Variants in KCNJ6 observed in about 807,000 individuals in gnomAD.
KCNJ6 encodes the protein G protein-activated inward rectifier potassium channel 2.
In KCNJ6, 9 loss-of-function variants were observed where a neutral mutation model predicts 34.2. The observed-to-expected ratio is 0.26, with a 90% confidence interval of 0.16 to 0.46. The LOEUF (loss-of-function observed/expected upper bound fraction) is 0.46. Ranked by LOEUF, KCNJ6 falls within the 20% of genes least tolerant of loss-of-function variation. The pLI is 1.00. For synonymous variants in KCNJ6, 196 were observed against 207.1 expected (o/e 0.95, Z 0.46); for missense variants, 236 against 531.3 (o/e 0.44, Z 5.46).
chr21:37,724,022 A>C (rs2054840936), intron 2 of KCNJ6, among the ~76,000 whole-genome samples: 1 of 152,154 alleles, frequency 6.6e-6, no homozygotes, highest in Non-Finnish European at 1.5e-5. Flanking sequence ...CAGATTCTGC[A>C]CTGCTGGTAT....
Position 37,701,001 on chromosome 21 carries a change from C to T in KCNJ6, c.946+13210G>A, listed in dbSNP as rs528305313. 2.0e-5 allele frequency among the ~76,000 whole-genome samples: 3 copies of T among 152,232 alleles called. No individual in the cohort carries two copies. In the South Asian group the frequency reaches 6.2e-4, roughly 32 times the overall value. ...ACCTGGGAGACAAAGTTCCTTTCAT[C>T]AAGATATGAAATGCATGACAGGAAG... On this transcript the variant is annotated intron_variant, in intron 3 of 3. Coordinates refer to ENST00000609713, the MANE Select transcript of KCNJ6 (RefSeq NM_002240.5).
Position 37,609,982 on chromosome 21 carries a change from C to T in KCNJ6, c.*15177G>A, listed in dbSNP as rs1019907112. 3 of 152,240 alleles carry T rather than the reference C, an allele frequency of 2.0e-5. No homozygotes were observed. The highest frequency in any genetic ancestry group is 7.2e-5 in the African/African-American group (3 of 41,450). The allele number at this position is 152,240 out of a possible 1,614,324, so 9.4% of individuals were successfully genotyped here. On this transcript the variant is annotated 3_prime_UTR_variant, in exon 4 of 4. Transcript: ENST00000609713. ...TCTAGAAGGCACCTACCTCACAGCT[C>T]ATCTCTCTGCTACCGGGTTTAGTGG...
intron 2 of KCNJ6, among the ~76,000 whole-genome samples, chr21:37,754,192 T>C (rs944384625): frequency 1.3e-5 from 2 of 152,200 alleles, no homozygotes; most frequent in Non-Finnish European, 2.9e-5. Context: ...AAGGCCCATC[T>C]TTAGGGGAAG....
At chr21:37,792,766 GCGTTTTC>G (rs1402695731) in intron 2 of KCNJ6, among the ~76,000 whole-genome samples, 1 of 152,206 alleles carries the variant, frequency 6.6e-6, no homozygotes, top group Non-Finnish European at 1.5e-5. Flanking sequence ...TAATCAAGGG[GCGTTTTC>G]CAGTAAAGAT....
At chr21:37,901,774 A>G (rs1020998378) in intron 1 of KCNJ6, among the ~76,000 whole-genome samples, 1 of 152,116 alleles carries the variant, frequency 6.6e-6, no homozygotes, top group Admixed American at 6.5e-5. Flanking sequence ...CTAGTCTTAA[A>G]CTCATTTATT....
At chr21:37,750,051 C>T (rs911415540) in intron 2 of KCNJ6, among the ~76,000 whole-genome samples, 2 of 152,124 alleles carry the variant, frequency 1.3e-5, no homozygotes, top group Non-Finnish European at 2.9e-5. Context: ...AAAAAAAATG[C>T]TTGCTGCTTT....
chr21:37,873,216 G>A (rs551323773), intron 1 of KCNJ6, among the ~76,000 whole-genome samples: 13 of 152,222 alleles, frequency 8.5e-5, no homozygotes, highest in Admixed American at 2.0e-4. Flanking sequence ...CGCTGCAGTC[G>A]TTTCTTATTA....
chr21:37,677,409 A>C (rs1164785132), intron 3 of KCNJ6, among the ~76,000 whole-genome samples: 1 of 152,138 alleles, frequency 6.6e-6, no homozygotes, highest in Non-Finnish European at 1.5e-5. Context: ...AACACCTCCA[A>C]ATAGCCCTGC....
intron 3 of KCNJ6, among the ~76,000 whole-genome samples, chr21:37,692,097 C>T (rs770152299): frequency 1.3e-5 from 2 of 152,116 alleles, no homozygotes; most frequent in East Asian, 1.9e-4. Context: ...TTAATGCATG[C>T]GGGGCTTAAA....
chr21:37,751,101 T>G (rs887378915), intron 2 of KCNJ6, among the ~76,000 whole-genome samples: 7 of 152,290 alleles, frequency 4.6e-5, no homozygotes, highest in Non-Finnish European at 1.0e-4. Context: ...GTAGGGAATA[T>G]TTTTGAGGGT....
chr21:37,894,822 T>A lies in KCNJ6; in HGVS notation c.-28+21062A>T, dbSNP rs1434829656. ...AAAAAAGCACCAATGATACAAGCAT[T>A]TTCTTCAAATTTCTTTTGTTAATGT... On this transcript the variant is annotated intron_variant, in intron 1 of 3. Transcript: ENST00000609713. 3.3e-5 allele frequency among the ~76,000 whole-genome samples: 5 copies of A among 152,336 alleles called. No individual in the cohort carries two copies. In the East Asian group the frequency reaches 9.6e-4, roughly 29 times the overall value.
chr21:37,685,367 A>G (rs1456170422), intron 3 of KCNJ6, among the ~76,000 whole-genome samples: 1 of 150,754 alleles, frequency 6.6e-6, no homozygotes, highest in Non-Finnish European at 1.5e-5. Flanking sequence ...ATCCTCTTTT[A>G]TCCCATCAAT....
chr21:37,646,684 T>A (rs975448188), intron 3 of KCNJ6, among the ~76,000 whole-genome samples: 7 of 19,202 alleles, frequency 3.6e-4, no homozygotes, highest in South Asian at 3.7e-3. Flanking sequence ...TTTTATTTTT[T>A]TTTTTGAGAC....
At chr21:37,832,428 C>A (rs2055430708) in intron 2 of KCNJ6, among the ~76,000 whole-genome samples, 2 of 152,060 alleles carry the variant, frequency 1.3e-5, no homozygotes, top group Non-Finnish European at 2.9e-5. Context: ...TAACTCCCAG[C>A]CCAGCTACAG....
intron 3 of KCNJ6, among the ~76,000 whole-genome samples, chr21:37,685,086 T>C (rs563722614): frequency 6.6e-6 from 1 of 151,598 alleles, no homozygotes; most frequent in Non-Finnish European, 1.5e-5. Flanking sequence ...ACAAATCAAC[T>C]AGAAAAAAGA....
intron 2 of KCNJ6, among the ~76,000 whole-genome samples, chr21:37,787,949 C>A (rs1319229728): frequency 6.6e-6 from 1 of 152,294 alleles, no homozygotes; most frequent in East Asian, 1.9e-4. Context: ...TGCACCATTA[C>A]CATCTCAGAT....
intron 2 of KCNJ6, among the ~76,000 whole-genome samples, chr21:37,749,754 C>T (rs779693054): frequency 3.9e-5 from 6 of 152,190 alleles, no homozygotes; most frequent in Non-Finnish European, 7.4e-5. Flanking sequence ...GGTTGAAAAA[C>T]GGTCTCAGGA....
chr21:37,755,292 AAG>A (rs1239434287), intron 2 of KCNJ6, among the ~76,000 whole-genome samples: 1 of 152,108 alleles, frequency 6.6e-6, no homozygotes, highest in East Asian at 1.9e-4. Flanking sequence ...AAAATGAAAA[AAG>A]AAAAAAAAAG....
chr21:37,663,110 AG>A (rs1323750638), intron 3 of KCNJ6, among the ~76,000 whole-genome samples: 2 of 152,192 alleles, frequency 1.3e-5, no homozygotes, highest in Non-Finnish European at 2.9e-5. Context: ...TGGAAATAAA[AG>A]TTCAAGGAAG....
Sources: allele counts gnomAD v4.1 joint callset (sites outside exome capture counted in the v4.1 genomes callset), GRCh38; gene constraint gnomAD v4.1.1; transcripts MANE v1.5; gene names NCBI Gene and HGNC (gene_info 2026-07-23, HGNC 2026-07-21).